GEMIN2: variants seen among roughly 807,000 people sequenced by gnomAD.
GEMIN2 encodes gem nuclear organelle associated protein 2, also known as gem-associated protein 2.
Under a neutral mutation model 45.8 loss-of-function variants are expected in GEMIN2, and 37 were observed. That is an observed-to-expected ratio of 0.81 (90% confidence interval 0.62 to 1.06). The LOEUF is 1.06. GEMIN2 is among the 50% of genes least tolerant of loss of function. GEMIN2 has a pLI of 0.00. For synonymous variants in GEMIN2, 101 were observed against 111.5 expected (o/e 0.91, Z 0.60); for missense variants, 335 against 321.8 (o/e 1.04, Z -0.31).
chr14:39,118,808 G>A (rs944817501), intron 4 of GEMIN2, among the ~76,000 whole-genome samples: 1 of 148,106 alleles, frequency 6.8e-6, no homozygotes, highest in Non-Finnish European at 1.5e-5. Flanking sequence ...TTTGAGACAG[G>A]GTCTTGCTCT....
intron 4 of GEMIN2, among the ~76,000 whole-genome samples, chr14:39,121,451 T>A (rs193205826): frequency 7.3e-4 from 111 of 152,250 alleles, no homozygotes; most frequent in African/African-American, 2.5e-3. Context: ...GCAGAATTAT[T>A]TGAGCCCGAG....
At chr14:39,121,162 A>G (rs1392995326) in intron 4 of GEMIN2, among the ~76,000 whole-genome samples, 1 of 152,044 alleles carries the variant, frequency 6.6e-6, no homozygotes, top group African/African-American at 2.4e-5. Flanking sequence ...TTTTTCCCCC[A>G]TACTTATTTC....
chr14:39,122,268 G>A lies in GEMIN2; in HGVS notation c.373-162G>A, dbSNP rs2052582382. On this transcript the variant is annotated intron_variant, in intron 4 of 9. Coordinates refer to ENST00000308317, the MANE Select transcript of GEMIN2 (RefSeq NM_003616.3). ...ACATTCTGAGGTACTGGAGTTTAAG[G>A]TTTTAACATACAAATTTGGGGGCAG... Among the ~76,000 whole-genome samples, 6 of 152,168 alleles carry A rather than the reference G, an allele frequency of 3.9e-5. No homozygotes were observed. In the South Asian group the frequency reaches 1.2e-3, roughly 32 times the overall value.
intron 7 of GEMIN2, among the ~76,000 whole-genome samples, chr14:39,129,934 GTTTTTTT>G (rs34165330): frequency 1.6e-5 from 1 of 61,400 alleles, no homozygotes; most frequent in Non-Finnish European, 3.0e-5. Flanking sequence ...AGACAAGTTT[GTTTTTTT>G]TTTTTTTTTT....
intron 2 of GEMIN2, 137 bp from the exon 3 acceptor site, chr14:39,117,862 G>A: frequency 4.3e-6 from 2 of 460,218 alleles, no homozygotes; most frequent in South Asian, 4.4e-5. Context: ...TTTTACATCT[G>A]CAAAAATATT....
intron 5 of GEMIN2, 66 bp downstream of exon 5, chr14:39,122,609 G>A: frequency 3.7e-6 from 3 of 806,990 alleles, no homozygotes; most frequent in Non-Finnish European, 6.1e-6. Context: ...TAATATAAGG[G>A]GTCAGCAAAC....
intron 3 of GEMIN2, 22 bp downstream of exon 3, chr14:39,118,110 A>C: frequency 7.9e-7 from 1 of 1,262,072 alleles, no homozygotes; most frequent in Non-Finnish European, 1.1e-6. Flanking sequence ...ATTTAATCTA[A>C]TTAAGCCCCT....
At chr14:39,131,269 C>G (rs1446970468) in intron 7 of GEMIN2, among the ~76,000 whole-genome samples, 1 of 152,154 alleles carries the variant, frequency 6.6e-6, no homozygotes, top group Non-Finnish European at 1.5e-5. Context: ...TGCACTCCAG[C>G]CTGGGCAACA....
intron 8 of GEMIN2, among the ~76,000 whole-genome samples, chr14:39,133,020 GTGTGTGTA>G (rs111744119): frequency 7.7e-6 from 1 of 129,382 alleles, no homozygotes; most frequent in African/African-American, 3.2e-5. Flanking sequence ...GTGTGTGTGT[GTGTGTGTA>G]TATATATATA....
At chr14:39,122,617 A>C in intron 5 of GEMIN2, 74 bp downstream of exon 5, 1 of 735,468 alleles carries the variant, frequency 1.4e-6, no homozygotes, top group African/African-American at 1.8e-5. Context: ...GGGGTCAGCA[A>C]ACTCTACCCT....
Position 39,114,567 on chromosome 14 carries a change from G to A in GEMIN2, c.137+92G>A. On this transcript the variant is annotated intron_variant, in intron 1 of 9. Transcript: ENST00000308317. The stretch of plus-strand genomic sequence containing the variant: ...CTCTATTCCCGTTCCAGTCTGTTGC[G>A]AGTTCAGGTCTATTCAGGATTCTGG... 4 of 950,172 alleles carry A rather than the reference G, an allele frequency of 4.2e-6. No homozygotes were observed. In the Admixed American group the frequency reaches 7.6e-5, roughly 18 times the overall value. 58.9% of individuals were successfully genotyped at this position (950,172 alleles called of 1,614,324 possible).
chr14:39,116,477 C>T (rs546598539), intron 2 of GEMIN2, among the ~76,000 whole-genome samples: 9 of 147,818 alleles, frequency 6.1e-5, no homozygotes, highest in Admixed American at 2.1e-4. Context: ...AGTGCAGTGG[C>T]GCGATCTCGG....
chr14:39,132,694 T>TTTG (rs2052733641), intron 8 of GEMIN2, among the ~76,000 whole-genome samples: 1 of 135,656 alleles, frequency 7.4e-6, no homozygotes. Flanking sequence ...TTTCTTTTAT[T>TTTG]GTGAGATGGA....
chr14:39,132,310 C>T (rs2052727210), intron 8 of GEMIN2, among the ~76,000 whole-genome samples: 1 of 152,140 alleles, frequency 6.6e-6, no homozygotes, highest in Non-Finnish European at 1.5e-5. Context: ...GCGGGTGGCT[C>T]ACCTGAGGTC....
rs1223959132 is a variant in GEMIN2 at position 39,132,056 on chromosome 14, G to A, written c.699G>A (p.Val233=). 2 of 1,518,300 alleles carry A rather than the reference G, an allele frequency of 1.3e-6. No homozygotes were observed. The highest frequency in any genetic ancestry group is 1.8e-6 in the Non-Finnish European group (2 of 1,093,048). 94.1% of individuals were successfully genotyped at this position (1,518,300 alleles called of 1,614,324 possible). A position where few individuals can be genotyped will look rare whatever the true frequency, so the allele number is the denominator to read the frequency against. Residue 233 remains valine, a synonymous_variant, in exon 8 of 10, where the codon GTG becomes GTA. Coordinates refer to ENST00000308317, the MANE Select transcript of GEMIN2 (RefSeq NM_003616.3). Reference sequence around the variant, plus strand: ...AGCTTGCAAGAAGGTGCTCTGAAGTGAGGCTCTTAGTGGTAAGTTGCAACT... The same window carrying A: ...AGCTTGCAAGAAGGTGCTCTGAAGTAAGGCTCTTAGTGGTAAGTTGCAACT... ...IRQLARRCSE[V]RLLVDSKDDE... is the part of the protein sequence containing the mutation.
Position 39,136,540 on chromosome 14 carries a change from A to G in GEMIN2, c.*61A>G. ...ATGAAGGCAGCCTAACTCTGAGGAAAACAATGCCAATTCAAGTACAGATTT... is the reference window on the plus strand; with the variant it reads ...ATGAAGGCAGCCTAACTCTGAGGAAGACAATGCCAATTCAAGTACAGATTT... On this transcript the variant is annotated 3_prime_UTR_variant, in exon 10 of 10. Coordinates refer to ENST00000308317, the MANE Select transcript of GEMIN2 (RefSeq NM_003616.3). 7.6e-7 allele frequency: 1 copy of G among 1,319,450 alleles called. No individual in the cohort carries two copies. Among genetic ancestry groups the G allele is most frequent in the Non-Finnish European group, 1.1e-6 (1 of 917,718 alleles). 81.7% of individuals were successfully genotyped at this position (1,319,450 alleles called of 1,614,324 possible). A position where few individuals can be genotyped will look rare whatever the true frequency, so the allele number is the denominator to read the frequency against.
intron 2 of GEMIN2, among the ~76,000 whole-genome samples, chr14:39,116,775 G>A (rs1018559483): frequency 6.6e-6 from 1 of 152,132 alleles, no homozygotes; most frequent in East Asian, 1.9e-4. Context: ...GATTGAGACA[G>A]GGTCTCGCTT....
chr14:39,114,324 G>C lies in GEMIN2; in HGVS notation c.-15G>C. 6.2e-7 allele frequency: 1 copy of C among 1,613,812 alleles called. No homozygotes were observed. Among genetic ancestry groups the C allele is most frequent in the Non-Finnish European group, 8.5e-7 (1 of 1,179,838 alleles). Reference sequence around the variant, plus strand: ...TGGGCGCATGCGCCGAGCGGAACTGGCTGGTTTGAAAACCATGGCGTGGGT... The same window carrying C: ...TGGGCGCATGCGCCGAGCGGAACTGCCTGGTTTGAAAACCATGGCGTGGGT... On this transcript the variant is annotated 5_prime_UTR_variant, in exon 1 of 10. Transcript: ENST00000308317.
At chr14:39,130,728 C>T (rs1298884356) in intron 7 of GEMIN2, among the ~76,000 whole-genome samples, 2 of 150,532 alleles carry the variant, frequency 1.3e-5, no homozygotes, top group African/African-American at 2.4e-5. Context: ...ACCCCCATCT[C>T]TACTAAAAAT....
Sources: allele counts gnomAD v4.1 joint callset (sites outside exome capture counted in the v4.1 genomes callset), GRCh38; gene constraint gnomAD v4.1.1; transcripts MANE v1.5; gene names NCBI Gene and HGNC (gene_info 2026-07-23, HGNC 2026-07-21).